The following CDH18 variants were observed in gnomAD, a reference collection of about 807,000 sequenced individuals.
CDH18 encodes the protein cadherin-18.
Under a neutral mutation model 67.9 loss-of-function variants are expected in CDH18, and 31 were observed. The ratio of observed to expected loss-of-function variants is 0.46; its 90% CI spans 0.34 to 0.62. CDH18 has a LOEUF of 0.62. Among genes scored for constraint, CDH18 ranks in the 20% least tolerant of loss-of-function variants. The pLI, the probability that CDH18 is intolerant of heterozygous loss-of-function variation, is 0.01. For synonymous variants in CDH18, 362 were observed against 347.2 expected, an observed-to-expected ratio of 1.04 and a Z score of -0.48; for missense variants, 890 against 975.5, an observed-to-expected ratio of 0.91 and a Z score of 1.17.
At chr5:20,125,101 G>C (rs1748707671) in intron 2 of CDH18, among the ~76,000 whole-genome samples, 1 of 152,142 alleles carries the variant, frequency 6.6e-6, no homozygotes, top group South Asian at 2.1e-4. Flanking sequence ...ACCAAGTATG[G>C]AAATAAAAGC....
chr5:20,310,573 T>C (rs1736891349), intron 1 of CDH18, among the ~76,000 whole-genome samples: 2 of 152,186 alleles, frequency 1.3e-5, no homozygotes. Context: ...TTATGTCTCA[T>C]CTGTAATAAA....
chr5:20,082,515 T>G (rs1439580556), intron 2 of CDH18, among the ~76,000 whole-genome samples: 1 of 152,166 alleles, frequency 6.6e-6, no homozygotes, highest in Non-Finnish European at 1.5e-5. Context: ...CCCTATGCTA[T>G]CAAATATACT....
At chr5:19,883,298 A>G (rs1007877610) in intron 2 of CDH18, among the ~76,000 whole-genome samples, 1 of 152,184 alleles carries the variant, frequency 6.6e-6, no homozygotes, top group African/African-American at 2.4e-5. Context: ...ACGAAGATTG[A>G]GTTCAAATTG....
Position 19,473,710 on chromosome 5 carries a change from A to T in CDH18, c.1889T>A (p.Val630Glu). 5 of 1,590,258 alleles carry T rather than the reference A, an allele frequency of 3.1e-6. No homozygotes were observed. Among genetic ancestry groups the T allele is most frequent in the Non-Finnish European group, 4.3e-6 (5 of 1,168,002 alleles). The change falls in exon 13 of 13, where the codon GTG (valine) becomes GAG (glutamate). Residue 630 changes from valine to glutamate, a missense_variant. Physicochemically the swap from Val to Glu is moderately radical, Grantham distance 121. Transcript: ENST00000382275. ...LLCVLILLAI[V>E]VLFITLRRSK... ...GCGCCTCAGGGTGATAAAAAGTACCACAATTGCTGAGGAAGAATGGAAAAA... is the reference window on the plus strand; with the variant it reads ...GCGCCTCAGGGTGATAAAAAGTACCTCAATTGCTGAGGAAGAATGGAAAAA...
intron 2 of CDH18, among the ~76,000 whole-genome samples, chr5:20,144,462 G>A (rs1366527449): frequency 6.6e-6 from 1 of 152,130 alleles, no homozygotes; most frequent in Admixed American, 6.6e-5. Context: ...TATTTTGAAG[G>A]AAGATAACTT....
chr5:20,237,323 C>T (rs1400863492), intron 2 of CDH18, among the ~76,000 whole-genome samples: 4 of 151,508 alleles, frequency 2.6e-5, no homozygotes. Context: ...GGGTTTCTTG[C>T]CCATTAAATA....
chr5:20,548,053 A>C (rs2126611183), intron 1 of CDH18, among the ~76,000 whole-genome samples: 1 of 43,628 alleles, frequency 2.3e-5, no homozygotes, highest in South Asian at 7.3e-4. Context: ...TTTAAGACTA[A>C]AAAAAAACAA....
chr5:20,065,373 T>C (rs1200124544), intron 2 of CDH18, among the ~76,000 whole-genome samples: 2 of 151,960 alleles, frequency 1.3e-5, no homozygotes, highest in African/African-American at 4.8e-5. Flanking sequence ...TTTAATTATG[T>C]AATATAAAAG....
At chr5:19,952,517 C>T (rs1420832894) in intron 2 of CDH18, among the ~76,000 whole-genome samples, 2 of 152,126 alleles carry the variant, frequency 1.3e-5, no homozygotes, top group South Asian at 2.1e-4. Context: ...ACACATCAGT[C>T]CAGTACCTTA....
chr5:20,122,334 T>G (rs1187086035), intron 2 of CDH18, among the ~76,000 whole-genome samples: 1 of 152,182 alleles, frequency 6.6e-6, no homozygotes, highest in Non-Finnish European at 1.5e-5. Context: ...ATGTTTTTTG[T>G]AAAGAATTTG....
At chr5:19,961,629 T>C (rs1469830532) in intron 2 of CDH18, among the ~76,000 whole-genome samples, 2 of 152,150 alleles carry the variant, frequency 1.3e-5, no homozygotes, top group Non-Finnish European at 2.9e-5. Flanking sequence ...ATCTTCATTA[T>C]GAATATAATT....
At chr5:20,434,495 T>A (rs899616340) in intron 1 of CDH18, among the ~76,000 whole-genome samples, 3 of 152,060 alleles carry the variant, frequency 2.0e-5, no homozygotes, top group South Asian at 2.1e-4. Flanking sequence ...ATTGTGTGTA[T>A]CTTGGTAACT....
At chr5:19,533,690 T>A (rs1749001673) in intron 9 of CDH18, among the ~76,000 whole-genome samples, 1 of 152,062 alleles carries the variant, frequency 6.6e-6, no homozygotes, top group Non-Finnish European at 1.5e-5. Context: ...TATAAGGTCA[T>A]GTGAAGGAGT....
At chr5:20,249,138 A>G (rs1743610689) in intron 2 of CDH18, among the ~76,000 whole-genome samples, 1 of 152,192 alleles carries the variant, frequency 6.6e-6, no homozygotes, top group Non-Finnish European at 1.5e-5. Flanking sequence ...GTTAGTATTC[A>G]GCATTTTTCT....
At chr5:20,293,406 T>C (rs1442096285) in intron 1 of CDH18, among the ~76,000 whole-genome samples, 1 of 151,892 alleles carries the variant, frequency 6.6e-6, no homozygotes, top group Non-Finnish European at 1.5e-5. Flanking sequence ...GAAAATGTCA[T>C]AAGGAAGGTA....
intron 1 of CDH18, among the ~76,000 whole-genome samples, chr5:20,482,510 T>C (rs1460735659): frequency 2.0e-5 from 3 of 152,046 alleles, no homozygotes; most frequent in Non-Finnish European, 4.4e-5. Flanking sequence ...TGAAGGTATA[T>C]ACAAAAATCT....
intron 3 of CDH18, among the ~76,000 whole-genome samples, chr5:19,788,699 G>A (rs1203000326): frequency 6.6e-6 from 1 of 152,140 alleles, no homozygotes; most frequent in East Asian, 1.9e-4. Flanking sequence ...TTTATATAAT[G>A]AAAATATCCA....
chr5:20,402,243 C>T (rs2150130650), intron 1 of CDH18, among the ~76,000 whole-genome samples: 1 of 152,254 alleles, frequency 6.6e-6, no homozygotes, highest in East Asian at 1.9e-4. Flanking sequence ...ATTCTTACTT[C>T]CAGAATGTCT....
intron 2 of CDH18, among the ~76,000 whole-genome samples, chr5:19,844,143 G>C (rs1782659746): frequency 6.6e-6 from 1 of 152,124 alleles, no homozygotes; most frequent in African/African-American, 2.4e-5. Context: ...AGGGACTGTA[G>C]GGAAGGTACA....
Sources: gnomAD v4.1 joint callset for allele counts (sites outside exome capture counted in the v4.1 genomes callset) on GRCh38, gnomAD v4.1.1 for gene constraint, MANE v1.5 for transcripts, NCBI Gene and HGNC (gene_info 2026-07-23, HGNC 2026-07-21) for gene names.